The following NGEF variants were observed in gnomAD, a reference collection of about 807,000 sequenced individuals.
The protein encoded by NGEF is ephexin-1.
Under a neutral mutation model 80.9 loss-of-function variants are expected in NGEF, and 31 were observed. The observed-to-expected ratio is 0.38, with a 90% confidence interval of 0.29 to 0.52. The LOEUF (loss-of-function observed/expected upper bound fraction) is 0.52. Among genes scored for constraint, NGEF ranks in the 20% least tolerant of loss-of-function variants. The pLI, the probability that NGEF is intolerant of heterozygous loss-of-function variation, is 0.84. For synonymous variants in NGEF, 371 were observed against 370.2 expected, an observed-to-expected ratio of 1.00 and a Z score of -0.03; for missense variants, 709 against 926.2, an observed-to-expected ratio of 0.77 and a Z score of 3.04.
chr2:232,885,326 G>A lies in NGEF; in HGVS notation c.1391C>T (p.Thr464Met), dbSNP rs1372115773. 10 of 1,614,092 alleles carry A rather than the reference G, an allele frequency of 6.2e-6. No individual in the cohort carries two copies. The highest frequency in any genetic ancestry group is 4.4e-5 in the South Asian group (4 of 91,078). The change falls in exon 10 of 15, where the codon ACG (threonine) becomes ATG (methionine). Residue 464 changes from threonine (T) to methionine (M), a missense_variant. Coordinates refer to ENST00000264051, the MANE Select transcript of NGEF (RefSeq NM_019850.3). ...CNEGVRKMSRTEQMISIQKKM... is the reference protein window; with the variant it reads ...CNEGVRKMSRMEQMISIQKKM... ...CTTCTGAATGCTGATCATCTGTTCC[G>A]TGCGGCTCATTTTCCTGACGCCCTC... is the stretch of plus-strand genomic sequence containing the variant.
At chr2:232,900,034 TCACTCA>T (rs1692255254) in intron 5 of NGEF, among the ~76,000 whole-genome samples, 1 of 63,278 alleles carries the variant, frequency 1.6e-5, no homozygotes. Context: ...TCACTCACAT[TCACTCA>T]CACACACACG....
At chr2:232,910,296 G>A (rs78301871) in intron 5 of NGEF, among the ~76,000 whole-genome samples, 294 of 152,214 alleles carry the variant, frequency 1.9e-3, no homozygotes, top group African/African-American at 6.8e-3. Flanking sequence ...ATTTTCATAA[G>A]GTGCAATTAG....
At chr2:232,996,027 T>C (rs1277183355) in intron 1 of NGEF, among the ~76,000 whole-genome samples, 3 of 151,918 alleles carry the variant, frequency 2.0e-5, no homozygotes, top group Non-Finnish European at 4.4e-5. Context: ...GACTCTAGTG[T>C]GGATGGGCTC....
At chr2:233,013,017 T>C (rs778676023) in intron 1 of NGEF, 51 bp downstream of exon 1, 12 of 457,340 alleles carry the variant, frequency 2.6e-5, no homozygotes. Flanking sequence ...GTTCCTTCTC[T>C]TGTTTTATCT....
intron 14 of NGEF, among the ~76,000 whole-genome samples, 158 bp downstream of exon 14, chr2:232,880,988 C>T (rs551687125): frequency 7.9e-5 from 12 of 152,274 alleles, no homozygotes; most frequent in African/African-American, 2.6e-4. Flanking sequence ...CCAGTGAAGC[C>T]AGCATGGGCA....
At chr2:232,985,988 C>T (rs368286806) in intron 1 of NGEF, among the ~76,000 whole-genome samples, 15 of 150,428 alleles carry the variant, frequency 1.0e-4, no homozygotes, top group African/African-American at 3.7e-4. Context: ...TATGGCAGGA[C>T]CAGCAGGCTC....
At chr2:233,009,215 T>C (rs1469972246) in intron 1 of NGEF, among the ~76,000 whole-genome samples, 1 of 152,226 alleles carries the variant, frequency 6.6e-6, no homozygotes, top group Non-Finnish European at 1.5e-5. Context: ...CAGTCTACTG[T>C]CTGTCATCAT....
chr2:232,920,677 G>A, intron 4 of NGEF, 92 bp from the exon 5 acceptor site: 5 of 1,315,544 alleles, frequency 3.8e-6, no homozygotes, highest in Non-Finnish European at 5.1e-6. Flanking sequence ...TTCTTATCAA[G>A]GGTGGCTGCT....
rs1294259585 is a variant in NGEF at position 232,923,795 on chromosome 2, G to A, written c.527-3210C>T. Among the ~76,000 whole-genome samples, 3 of 152,326 alleles carry A rather than the reference G, an allele frequency of 2.0e-5. No individual in the cohort carries two copies. In the East Asian group the frequency reaches 5.8e-4, roughly 29 times the overall value. On this transcript the variant is annotated intron_variant, in intron 4 of 14. Coordinates refer to ENST00000264051, the MANE Select transcript of NGEF (RefSeq NM_019850.3). ...CACAGGCACAAGGCATAGCCTGGCT[G>A]CAGTGGTGTGAGTGCTGGTGTCCCC...
intron 9 of NGEF, 55 bp downstream of exon 9, chr2:232,887,978 C>T: frequency 7.3e-7 from 1 of 1,369,218 alleles, no homozygotes; most frequent in Non-Finnish European, 1.0e-6. Context: ...GAAAGGTGTG[C>T]CTGGATGAGG....
intron 5 of NGEF, among the ~76,000 whole-genome samples, chr2:232,909,373 T>G (rs1167159147): frequency 1.3e-5 from 2 of 152,212 alleles, no homozygotes; most frequent in Admixed American, 1.3e-4. Context: ...TAATTCATCC[T>G]TGCTTAATGT....
At chr2:232,983,887 C>T (rs1694485714) in intron 1 of NGEF, among the ~76,000 whole-genome samples, 1 of 152,188 alleles carries the variant, frequency 6.6e-6, no homozygotes, top group African/African-American at 2.4e-5. Context: ...TGCCACAGTC[C>T]AGCTGGGCCC....
chr2:232,947,515 AT>A (rs1458430171), intron 3 of NGEF, among the ~76,000 whole-genome samples: 1 of 152,064 alleles, frequency 6.6e-6, no homozygotes, highest in Non-Finnish European at 1.5e-5. Flanking sequence ...TAATGAGTGA[AT>A]TTTCACGAGA....
At chr2:232,885,394 A>G in intron 9 of NGEF, 25 bp from the exon 10 acceptor site, 1 of 1,602,978 alleles carries the variant, frequency 6.2e-7, no homozygotes, top group Non-Finnish European at 8.5e-7. Context: ...AGGGCACATC[A>G]GGCCACCAAA....
At chr2:232,934,229 G>A (rs1388930996) in intron 3 of NGEF, among the ~76,000 whole-genome samples, 6 of 132,956 alleles carry the variant, frequency 4.5e-5, no homozygotes, top group Admixed American at 8.0e-5. Flanking sequence ...GTGACAGAGC[G>A]AGACTGCATC....
chr2:232,917,922 C>T (rs1453151937), intron 5 of NGEF, among the ~76,000 whole-genome samples: 2 of 151,942 alleles, frequency 1.3e-5, no homozygotes, highest in Non-Finnish European at 2.9e-5. Context: ...TACAGGCACC[C>T]GACACTATAC....
chr2:232,927,813 T>G, intron 3 of NGEF: 1 of 909,516 alleles, frequency 1.1e-6, no homozygotes. Flanking sequence ...GCGCAGGGGG[T>G]GCCCGGGACC....
chr2:232,895,697 G>T (rs1476998309), intron 5 of NGEF, among the ~76,000 whole-genome samples: 1 of 152,130 alleles, frequency 6.6e-6, no homozygotes, highest in Non-Finnish European at 1.5e-5. Flanking sequence ...TGTCAAGCAC[G>T]AGTGTCACGG....
At chr2:232,888,158 C>A (rs180820570) in intron 8 of NGEF, 51 bp from the exon 9 acceptor site, 1 of 1,410,222 alleles carries the variant, frequency 7.1e-7, no homozygotes, top group African/African-American at 1.4e-5. Flanking sequence ...GGTCTTTCCT[C>A]CCATTTCCCA....
Sources: allele counts gnomAD v4.1 joint callset (sites outside exome capture counted in the v4.1 genomes callset), GRCh38; gene constraint gnomAD v4.1.1; transcripts MANE v1.5; gene names NCBI Gene and HGNC (gene_info 2026-07-23, HGNC 2026-07-21).